The following IGSF5 variants were observed in gnomAD, a reference collection of about 807,000 sequenced individuals.
The protein encoded by IGSF5 is immunoglobulin superfamily member 5.
IGSF5 carries 41 observed loss-of-function variants against 39.4 expected under a neutral mutation model. The ratio of observed to expected loss-of-function variants is 1.04; its 90% CI spans 0.81 to 1.35. The LOEUF (loss-of-function observed/expected upper bound fraction) is 1.35, where lower values mean the gene tolerates loss of function less well. IGSF5 is among the 40% of genes most tolerant of loss of function. The probability of loss-of-function intolerance (pLI) is 0.00; values close to 1 mark genes in which losing one functional copy is unlikely to be tolerated. For synonymous variants in IGSF5, 183 were observed against 175.3 expected, an observed-to-expected ratio of 1.04 and a Z score of -0.34; for missense variants, 487 against 494.6, an observed-to-expected ratio of 0.98 and a Z score of 0.15.
intron 6 of IGSF5, among the ~76,000 whole-genome samples, chr21:39,789,294 T>C (rs1272305329): frequency 1.3e-5 from 2 of 152,152 alleles, no homozygotes; most frequent in Non-Finnish European, 2.9e-5. Flanking sequence ...ACAACAACTA[T>C]AGAATATGAC....
chr21:39,784,356 C>T (rs955119873), intron 5 of IGSF5, among the ~76,000 whole-genome samples: 3 of 152,174 alleles, frequency 2.0e-5, no homozygotes, highest in Non-Finnish European at 4.4e-5. Context: ...GTTATTTGTA[C>T]ATCCTGGTTC....
chr21:39,790,562 T>C (rs2146293386), intron 6 of IGSF5, among the ~76,000 whole-genome samples: 1 of 152,224 alleles, frequency 6.6e-6, no homozygotes, highest in Admixed American at 6.5e-5. Flanking sequence ...GGAGGCTGAC[T>C]TGGGAGGATC....
the IGSF5 span, among the ~76,000 whole-genome samples, chr21:39,736,432 C>CAAACA: frequency 0.1 from 15,382 of 151,842 alleles, 2,574 homozygotes; most frequent in African/African-American, 0.35. Flanking sequence ...CCCAAATTAC[C>CAAACA]AAACAAAACA....
At chr21:39,720,878 A>G in the IGSF5 span, among the ~76,000 whole-genome samples, 1 of 152,152 alleles carries the variant, frequency 6.6e-6, no homozygotes, top group South Asian at 2.1e-4. Flanking sequence ...ATCTAAAACT[A>G]CTCTAAAATA....
chr21:39,748,564 C>T lies in IGSF5; in HGVS notation c.100+2266C>T, dbSNP rs565336050. ...GACCTCATGATCTGCCCACTTTGGC[C>T]TCTCAAGAGAACGAGATCTTATAAG... On this transcript the variant is annotated intron_variant, in intron 2 of 8. Transcript: ENST00000380588. 3.3e-5 allele frequency among the ~76,000 whole-genome samples: 5 copies of T among 152,032 alleles called. No individual in the cohort carries two copies. In the South Asian group the frequency reaches 1.0e-3, roughly 32 times the overall value.
At chr21:39,797,218 C>CT (rs11385437) in intron 8 of IGSF5, among the ~76,000 whole-genome samples, 83,046 of 123,730 alleles carry the variant, frequency 0.67, 28,696 homozygotes, top group Admixed American at 0.74. Flanking sequence ...AGCTCCTTTG[C>CT]TTTTTTTTTT....
At chr21:39,781,515 A>C (rs2080170533) in intron 5 of IGSF5, among the ~76,000 whole-genome samples, 1 of 152,328 alleles carries the variant, frequency 6.6e-6, no homozygotes, top group South Asian at 2.1e-4. Flanking sequence ...CTAGGTCAAA[A>C]GCTACGTGTG....
chr21:39,765,935 G>A, intron 3 of IGSF5, 83 bp downstream of exon 3: 2 of 1,242,622 alleles, frequency 1.6e-6, no homozygotes, highest in Non-Finnish European at 2.3e-6. Flanking sequence ...TGCCGCGTAT[G>A]ATGGCAGACG....
At position 39,787,106 on chromosome 21, in the gene IGSF5, TA is replaced by T. The variant is rs568147902; in HGVS notation, c.935-1051del. Among the ~76,000 whole-genome samples, 106 of 149,404 alleles carry T rather than the reference TA, an allele frequency of 7.1e-4. 1 individual carries two copies. Among genetic ancestry groups the T allele is most frequent in the Middle Eastern group, 3.4e-3 (1 of 290 alleles). ...ACATGTACCCGAAAACTTAAAGTAT[TA>T]AAAAAAAAATGCAATGGCAACAAAA... On this transcript the variant is annotated intron_variant, in intron 5 of 8. Transcript: ENST00000380588.
chr21:39,777,232 C>T (rs2080145863), intron 4 of IGSF5, among the ~76,000 whole-genome samples: 1 of 152,144 alleles, frequency 6.6e-6, no homozygotes, highest in Admixed American at 6.5e-5. Context: ...ATTATCACAT[C>T]TGTGGGAGGG....
intron 3 of IGSF5, 25 bp downstream of exon 3, chr21:39,765,877 G>T (rs1468845293): frequency 2.5e-6 from 4 of 1,595,638 alleles, no homozygotes; most frequent in Admixed American, 1.7e-5. Context: ...GGCTTCTGAA[G>T]TCCATCAGGT....
At chr21:39,753,649 G>T (rs886535141) in intron 2 of IGSF5, among the ~76,000 whole-genome samples, 8 of 152,022 alleles carry the variant, frequency 5.3e-5, no homozygotes, top group Non-Finnish European at 1.0e-4. Context: ...TTTAAAATCT[G>T]GGTGCTCCAT....
chr21:39,721,145 A>G, the IGSF5 span, among the ~76,000 whole-genome samples: 1 of 152,224 alleles, frequency 6.6e-6, no homozygotes, highest in Non-Finnish European at 1.5e-5. Flanking sequence ...ATGACACAGT[A>G]GAGTGAGAAG....
At chr21:39,750,985 G>C (rs747000403) in intron 2 of IGSF5, among the ~76,000 whole-genome samples, 4 of 152,230 alleles carry the variant, frequency 2.6e-5, no homozygotes, top group Non-Finnish European at 4.4e-5. Context: ...GAGTGGAGAG[G>C]ATAGACTGGC....
chr21:39,727,536 G>T, the IGSF5 span, among the ~76,000 whole-genome samples: 2 of 152,324 alleles, frequency 1.3e-5, no homozygotes, highest in African/African-American at 4.8e-5. Flanking sequence ...GACCCTGAGC[G>T]GTGAAAAGGC....
chr21:39,741,382 T>C (rs1197989607), upstream of IGSF5, among the ~76,000 whole-genome samples: 2 of 152,210 alleles, frequency 1.3e-5, no homozygotes, highest in Non-Finnish European at 2.9e-5. Flanking sequence ...TAAGCCAGTA[T>C]AGGCTGGATA....
chr21:39,764,416 C>T (rs2080075944), intron 2 of IGSF5, among the ~76,000 whole-genome samples: 1 of 152,286 alleles, frequency 6.6e-6, no homozygotes, highest in African/African-American at 2.4e-5. Flanking sequence ...TCTCGGCTCA[C>T]TGCAACCTCT....
intron 5 of IGSF5, among the ~76,000 whole-genome samples, chr21:39,787,084 T>C (rs967028514): frequency 6.6e-6 from 1 of 152,078 alleles, no homozygotes; most frequent in Non-Finnish European, 1.5e-5. Context: ...ATTGTGCACA[T>C]GTACCCGAAA....
intron 4 of IGSF5, 148 bp downstream of exon 4, chr21:39,771,363 G>C: frequency 1.7e-6 from 1 of 585,366 alleles, no homozygotes; most frequent in Non-Finnish European, 2.7e-6. Flanking sequence ...CACATCTGCT[G>C]TCAGCTTAAT....
Sources: allele counts gnomAD v4.1 joint callset (sites outside exome capture counted in the v4.1 genomes callset), GRCh38; gene constraint gnomAD v4.1.1; transcripts MANE v1.5; gene names NCBI Gene and HGNC (gene_info 2026-07-23, HGNC 2026-07-21).